The following CEACAM21 variants were observed in gnomAD, a reference collection of about 807,000 sequenced individuals.
CEACAM21 encodes cell adhesion molecule CEACAM21.
CEACAM21 carries 38 observed loss-of-function variants against 33.2 expected under a neutral mutation model. The observed-to-expected ratio is 1.14, with a 90% confidence interval of 0.88 to 1.50. CEACAM21 has a LOEUF of 1.50. CEACAM21 is among the 40% of genes most tolerant of loss of function. The pLI is 0.00. For synonymous variants in CEACAM21, 156 were observed against 143.0 expected (o/e 1.09, Z -0.65); for missense variants, 385 against 364.6 (o/e 1.06, Z -0.46).
intron 1 of CEACAM21, among the ~76,000 whole-genome samples, chr19:41,563,556 C>T (rs904054102): frequency 4.3e-4 from 65 of 152,368 alleles, no homozygotes; most frequent in African/African-American, 1.5e-3. Flanking sequence ...CCAGAGCCGG[C>T]ATGAGGCGGT....
At chr19:41,563,675 A>G (rs892687990) in intron 1 of CEACAM21, among the ~76,000 whole-genome samples, 9 of 152,258 alleles carry the variant, frequency 5.9e-5, no homozygotes, top group African/African-American at 2.2e-4. Context: ...TGCTGCAGAG[A>G]AAACTCGGAC....
At chr19:41,584,933 T>G (rs1182923568) in intron 4 of CEACAM21, among the ~76,000 whole-genome samples, 1 of 152,166 alleles carries the variant, frequency 6.6e-6, no homozygotes, top group Non-Finnish European at 1.5e-5. Flanking sequence ...ATATGGCATA[T>G]CCTGGAATGT....
chr19:41,570,580 C>T (rs1568596266), intron 2 of CEACAM21, among the ~76,000 whole-genome samples: 1 of 152,176 alleles, frequency 6.6e-6, no homozygotes, highest in Admixed American at 6.5e-5. Flanking sequence ...CAGAATCATG[C>T]ACTCCCAACA....
intron 3 of CEACAM21, among the ~76,000 whole-genome samples, chr19:41,581,270 C>A (rs1343458455): frequency 6.6e-6 from 1 of 152,254 alleles, no homozygotes; most frequent in Non-Finnish European, 1.5e-5. Context: ...AGGGCGTGTT[C>A]CTGTTGCAGT....
intron 1 of CEACAM21, among the ~76,000 whole-genome samples, chr19:41,563,552 C>A (rs1449861912): frequency 6.6e-6 from 1 of 152,232 alleles, no homozygotes; most frequent in South Asian, 2.1e-4. Context: ...GAGGCCAGAG[C>A]CGGCATGAGG....
upstream of CEACAM21, among the ~76,000 whole-genome samples, chr19:41,572,992 C>A (rs782564225): frequency 6.6e-6 from 1 of 152,136 alleles, no homozygotes; most frequent in Non-Finnish European, 1.5e-5. Flanking sequence ...CTCAGTAAGA[C>A]CCCAACCCTG....
At chr19:41,560,609 G>A (rs1555786630) in intron 1 of CEACAM21, among the ~76,000 whole-genome samples, 1 of 152,174 alleles carries the variant, frequency 6.6e-6, no homozygotes, top group African/African-American at 2.4e-5. Context: ...ACACAAGACA[G>A]CAGTAAATAA....
intron 2 of CEACAM21, among the ~76,000 whole-genome samples, chr19:41,568,624 T>C (rs997986644): frequency 2.6e-5 from 4 of 152,234 alleles, no homozygotes; most frequent in Admixed American, 2.6e-4. Context: ...CTGGGATTTT[T>C]ATTCTGTTTC....
chr19:41,585,297 C>T (rs551799434), intron 4 of CEACAM21, 146 bp from the exon 5 acceptor site: 15 of 775,100 alleles, frequency 1.9e-5, no homozygotes, highest in East Asian at 1.3e-4. Flanking sequence ...CTCCCCTCAC[C>T]TGGGCCCCTC....
chr19:41,557,679 C>T (rs2041620616), intron 1 of CEACAM21, among the ~76,000 whole-genome samples: 1 of 152,144 alleles, frequency 6.6e-6, no homozygotes, highest in East Asian at 1.9e-4. Flanking sequence ...CCTGGACATC[C>T]CTAAAAAGAG....
chr19:41,553,787 T>C (rs1279399164), intron 1 of CEACAM21: 5 of 152,108 alleles, frequency 3.3e-5, no homozygotes, highest in African/African-American at 9.7e-5. Context: ...CAAGTCAAGT[T>C]TGATTCCTTA....
At chr19:41,551,049 C>G (rs186335372) in intron 1 of CEACAM21, 1 of 152,068 alleles carries the variant, frequency 6.6e-6, no homozygotes, top group Non-Finnish European at 1.5e-5. Context: ...TACATCGGGA[C>G]TCGTTTCATC....
intron 1 of CEACAM21, 92 bp downstream of exon 1, chr19:41,576,430 A>C: frequency 1.5e-6 from 2 of 1,363,518 alleles, no homozygotes; most frequent in Non-Finnish European, 2.0e-6. Context: ...GAGAGGAGAC[A>C]GAGGGCTTTT....
intron 2 of CEACAM21, among the ~76,000 whole-genome samples, chr19:41,567,955 T>G (rs1277188182): frequency 1.3e-5 from 2 of 151,854 alleles, no homozygotes; most frequent in Non-Finnish European, 2.9e-5. Flanking sequence ...GTTTTGGGAT[T>G]GGCTTCCTTC....
Position 41,576,273 on chromosome 19 carries a change from C to T in CEACAM21, c.-2C>T, listed in dbSNP as rs1283903086. 3 of 1,613,718 alleles carry T rather than the reference C, an allele frequency of 1.9e-6. No individual in the cohort carries two copies. Among genetic ancestry groups the T allele is most frequent in the African/African-American group, 1.3e-5 (1 of 74,914 alleles). On this transcript the variant is annotated 5_prime_UTR_variant, in exon 1 of 7. Transcript: ENST00000401445. ...AGGAGGACAGAGCAGGCAGCAGAGA[C>T]CATGGGGCCCCCCTCAGCTTGTCCC...
intron 4 of CEACAM21, among the ~76,000 whole-genome samples, 168 bp from the exon 5 acceptor site, chr19:41,585,275 G>A (rs1000745915): frequency 3.3e-5 from 5 of 152,042 alleles, no homozygotes; most frequent in African/African-American, 1.2e-4. Flanking sequence ...GCTTTGTAAG[G>A]CCTTTCCTCA....
At chr19:41,559,721 T>C (rs193156719) in intron 1 of CEACAM21, among the ~76,000 whole-genome samples, 5 of 152,162 alleles carry the variant, frequency 3.3e-5, no homozygotes, top group Admixed American at 1.3e-4. Flanking sequence ...CAACAGACAA[T>C]GAAAGGACAC....
chr19:41,567,176 CA>C (rs1184192261), intron 2 of CEACAM21, among the ~76,000 whole-genome samples: 1 of 151,980 alleles, frequency 6.6e-6, no homozygotes. Context: ...CATGGGAATA[CA>C]AAGGAATCAA....
chr19:41,577,828 C>T (rs1251460625), intron 2 of CEACAM21, among the ~76,000 whole-genome samples: 2 of 152,162 alleles, frequency 1.3e-5, no homozygotes, highest in Non-Finnish European at 2.9e-5. Flanking sequence ...CAGTCCAACC[C>T]CCCTTGGCCT....
Sources: allele counts gnomAD v4.1 joint callset (sites outside exome capture counted in the v4.1 genomes callset), GRCh38; gene constraint gnomAD v4.1.1; transcripts MANE v1.5; gene names NCBI Gene and HGNC (gene_info 2026-07-23, HGNC 2026-07-21).